The following STK32B variants were observed in gnomAD, a reference collection of about 807,000 sequenced individuals.
STK32B encodes the protein serine/threonine kinase 32B.
Under a neutral mutation model 52.6 loss-of-function variants are expected in STK32B, and 43 were observed. The observed-to-expected ratio is 0.82, with a 90% CI of 0.64 to 1.05. The LOEUF is 1.05. Ranked by LOEUF, STK32B falls within the 50% of genes least tolerant of loss-of-function variation. The pLI is 0.00. For synonymous variants in STK32B, 238 were observed against 204.3 expected (o/e 1.17, Z -1.41); for missense variants, 621 against 534.6 (o/e 1.16, Z -1.59).
At chr4:5,402,494 T>C (rs1322700637) in intron 5 of STK32B, among the ~76,000 whole-genome samples, 5 of 152,230 alleles carry the variant, frequency 3.3e-5, no homozygotes, top group African/African-American at 1.2e-4. Context: ...CTTCGTCCTC[T>C]TTGGGAAGTG....
rs1180125451 is a variant in STK32B at position 5,400,474 on chromosome 4, G to T, written c.472+2230G>T. Among the ~76,000 whole-genome samples the T allele has an allele frequency of 6.6e-6, 1 of 152,096 alleles. No individual in the cohort carries two copies. The highest frequency in any genetic ancestry group is 2.4e-5 in the African/African-American group (1 of 41,408). Reference sequence around the variant, plus strand: ...CCCCACACACTCCCCAAGTGCCCCTGCATCCAGTCTTCTCCCTCTCCAGCC... The same window carrying T: ...CCCCACACACTCCCCAAGTGCCCCTTCATCCAGTCTTCTCCCTCTCCAGCC... On this transcript the variant is annotated intron_variant, in intron 5 of 11. Coordinates refer to ENST00000282908, the MANE Select transcript of STK32B (RefSeq NM_018401.3). The surrounding 1 kb of genome is among the most constrained non-coding windows in gnomAD (Gnocchi z 6.1).
chr4:5,456,095 C>T (rs1716487635), intron 7 of STK32B, among the ~76,000 whole-genome samples: 1 of 152,280 alleles, frequency 6.6e-6, no homozygotes, highest in Non-Finnish European at 1.5e-5. Flanking sequence ...TGCTCAGAAG[C>T]ACTCCAAGCC....
In STK32B at chr4:5,460,863, C is replaced by T. The variant is rs555333812; in HGVS notation, c.909+635C>T. ...AAATGGGGCCAGGAGGGAACACATG[C>T]CACACCAAAAAGGCTTCCAGAGGCC... On this transcript the variant is annotated intron_variant, in intron 9 of 11. Coordinates refer to ENST00000282908, the MANE Select transcript of STK32B (RefSeq NM_018401.3). This position sits in a 1 kb window ranked among gnomAD's most constrained non-coding sequence, Gnocchi z 4.8. Among the ~76,000 whole-genome samples the T allele has an allele frequency of 6.6e-6, 1 of 152,176 alleles. No individual in the cohort carries two copies. Among genetic ancestry groups the T allele is most frequent in the South Asian group, 2.1e-4 (1 of 4,828 alleles).
intron 3 of STK32B, among the ~76,000 whole-genome samples, chr4:5,205,199 A>C (rs1376069700): frequency 6.6e-6 from 1 of 151,304 alleles, no homozygotes; most frequent in African/African-American, 2.5e-5. Context: ...CCTGGTCCTC[A>C]GGCCTTTGGA....
At chr4:5,276,024 C>G (rs578250105) in intron 3 of STK32B, among the ~76,000 whole-genome samples, 1 of 152,170 alleles carries the variant, frequency 6.6e-6, no homozygotes, top group African/African-American at 2.4e-5. Flanking sequence ...CATGGTGGCT[C>G]ATGCCTGTAA....
rs137860176 is a variant in STK32B, at chr4:5,070,421, G to A, written c.52+18506G>A. ...ATGGGGACTTAGAGAGGATTAGATA[G>A]TGAGCCCCCGTCCTTTAGAAAATAT... On this transcript the variant is annotated intron_variant, in intron 1 of 11. Transcript: ENST00000282908. Among the ~76,000 whole-genome samples the A allele has an allele frequency of 5.7e-3, 861 of 152,300 alleles. 4 individuals carry two copies. Among genetic ancestry groups the A allele is most frequent in the African/African-American group, 0.019 (807 of 41,562 alleles).
intron 3 of STK32B, among the ~76,000 whole-genome samples, chr4:5,250,933 A>G (rs1429580325): frequency 6.6e-6 from 1 of 152,140 alleles, no homozygotes; most frequent in Non-Finnish European, 1.5e-5. Context: ...TGCTAATTTA[A>G]GTTCCTTACA....
At chr4:5,359,652 G>C (rs888153916) in intron 4 of STK32B, among the ~76,000 whole-genome samples, 3 of 152,210 alleles carry the variant, frequency 2.0e-5, no homozygotes, top group Non-Finnish European at 4.4e-5. Context: ...GTATTACAGA[G>C]ACCAGAGAAA....
chr4:5,021,205 C>G, the STK32B span, among the ~76,000 whole-genome samples: 1 of 152,326 alleles, frequency 6.6e-6, no homozygotes, highest in African/African-American at 2.4e-5. Context: ...TCACGCTGGG[C>G]GATGTCTGAG....
chr4:5,126,443 T>C (rs916108742), intron 1 of STK32B, among the ~76,000 whole-genome samples: 6 of 152,356 alleles, frequency 3.9e-5, no homozygotes, highest in Admixed American at 3.3e-4. Flanking sequence ...GGGAGTTGGC[T>C]GGTTGTCAGA....
intron 6 of STK32B, among the ~76,000 whole-genome samples, chr4:5,446,262 T>C (rs28657540): frequency 6.6e-5 from 10 of 152,236 alleles, no homozygotes; most frequent in African/African-American, 2.4e-4. Flanking sequence ...CAGGTTTTAC[T>C]GTCCAAGAAA....
chr4:5,020,091 GGAGTGT>G, the STK32B span, among the ~76,000 whole-genome samples: 1 of 152,170 alleles, frequency 6.6e-6, no homozygotes, highest in African/African-American at 2.4e-5. Context: ...GTATGTGTGG[GGAGTGT>G]GAGTACCCCC....
At chr4:5,335,590 T>C (rs1732616066) in intron 4 of STK32B, among the ~76,000 whole-genome samples, 1 of 152,170 alleles carries the variant, frequency 6.6e-6, no homozygotes, top group Non-Finnish European at 1.5e-5. Context: ...ATTTTGGATC[T>C]TTCCTGCTTT....
rs138088622 is a variant in STK32B at position 5,140,581 on chromosome 4, G to T, written c.108+621G>T. ...AAACATAGTCTCTGTAACTCAGAAA[G>T]ATGGAGCAGGTTACCCTTGGCCACA... On this transcript the variant is annotated intron_variant, in intron 2 of 11. Transcript: ENST00000282908. Among the ~76,000 whole-genome samples the T allele has an allele frequency of 7.2e-5, 11 of 152,312 alleles. No individual in the cohort carries two copies. The East Asian group carries it at 2.1e-3, about 29-fold the overall frequency.
intron 3 of STK32B, among the ~76,000 whole-genome samples, chr4:5,278,822 C>T (rs938334255): frequency 3.3e-5 from 5 of 152,128 alleles, no homozygotes. Flanking sequence ...GAAGGGGAAG[C>T]AGGAACAATC....
At chr4:5,429,718 G>A (rs1252142977) in intron 6 of STK32B, among the ~76,000 whole-genome samples, 2 of 151,898 alleles carry the variant, frequency 1.3e-5, no homozygotes, top group African/African-American at 2.4e-5. Context: ...ATTCTACCTG[G>A]AGGACTTCCT....
At chr4:5,309,383 A>G (rs944498667) in intron 3 of STK32B, among the ~76,000 whole-genome samples, 2 of 152,182 alleles carry the variant, frequency 1.3e-5, no homozygotes, top group Admixed American at 1.3e-4. Flanking sequence ...TAGAAAAAAA[A>G]AATCCTGAAA....
intron 1 of STK32B, among the ~76,000 whole-genome samples, chr4:5,099,986 T>G (rs1713635683): frequency 1.3e-5 from 2 of 151,930 alleles, no homozygotes; most frequent in South Asian, 4.2e-4. Context: ...AAGTTTATGT[T>G]TAATTCAGTT....
chr4:5,332,957 A>T (rs55849276), intron 4 of STK32B, among the ~76,000 whole-genome samples: 46,638 of 151,902 alleles, frequency 0.31, 11,240 homozygotes, highest in African/African-American at 0.66. Context: ...AATAAACATA[A>T]GTGTGCATGT....
Sources: gnomAD v4.1 joint callset for allele counts (sites outside exome capture counted in the v4.1 genomes callset) on GRCh38, gnomAD v4.1.1 for gene constraint, Gnocchi (gnomAD v3.1) non-coding constraint, MANE v1.5 for transcripts, NCBI Gene and HGNC (gene_info 2026-07-23, HGNC 2026-07-21) for gene names.